Variants in TPRG1 observed in about 807,000 individuals in gnomAD.
The protein encoded by TPRG1 is tumor protein p63-regulated gene 1 protein.
In TPRG1, 29 loss-of-function variants were observed where a neutral mutation model predicts 29.3. The observed-to-expected ratio is 0.99, with a 90% CI of 0.74 to 1.35. The LOEUF is 1.35. Ranked by LOEUF, TPRG1 falls within the 40% of genes most tolerant of loss-of-function variation. The pLI, the probability that TPRG1 is intolerant of heterozygous loss-of-function variation, is 0.00. For synonymous variants in TPRG1, 130 were observed against 116.8 expected (o/e 1.11, Z -0.73); for missense variants, 327 against 335.0 (o/e 0.98, Z 0.19).
At chr3:189,248,051 T>C (rs796665885) in intron 4 of TPRG1, among the ~76,000 whole-genome samples, 4 of 152,004 alleles carry the variant, frequency 2.6e-5, no homozygotes, top group South Asian at 4.1e-4. Flanking sequence ...TATTCTCTAT[T>C]GACTTTATTA....
At chr3:189,115,207 AT>A (rs1721026798) in intron 1 of TPRG1, among the ~76,000 whole-genome samples, 1 of 152,216 alleles carries the variant, frequency 6.6e-6, no homozygotes, top group Non-Finnish European at 1.5e-5. Context: ...AGCTTTTTAA[AT>A]TTTTGTCAGT....
At chr3:189,300,496 A>G (rs904731072) in intron 4 of TPRG1, among the ~76,000 whole-genome samples, 9 of 152,182 alleles carry the variant, frequency 5.9e-5, no homozygotes, top group African/African-American at 2.2e-4. Flanking sequence ...TTAAAGTTCT[A>G]TTGTGTCTTT....
At chr3:189,092,762 G>A (rs1035224043) in intron 4 of TPRG1, among the ~76,000 whole-genome samples, 2 of 152,084 alleles carry the variant, frequency 1.3e-5, no homozygotes, top group Non-Finnish European at 1.5e-5. Context: ...AGGGGAGAGC[G>A]CTGACCAGCA....
chr3:189,215,424 C>T (rs3821734), intron 3 of TPRG1, 41 bp downstream of exon 3: 477,139 of 1,520,440 alleles, frequency 0.31, 76,682 homozygotes, highest in East Asian at 0.43. Flanking sequence ...GGAAATACAG[C>T]GTTTTCCTTG....
intron 5 of TPRG1, among the ~76,000 whole-genome samples, chr3:189,315,278 TTGTGTGTGTGTGTGTGTG>T (rs34255648): frequency 2.8e-5 from 4 of 143,504 alleles, no homozygotes; most frequent in South Asian, 2.3e-4. Context: ...CCTGAAAGAA[TTGTGTGTGTGTGTGTGTG>T]TGTGTGTGTG....
At chr3:189,083,825 T>TTCATA (rs759660734) in intron 4 of TPRG1, among the ~76,000 whole-genome samples, 13,667 of 152,240 alleles carry the variant, frequency 0.09, 772 homozygotes, top group African/African-American at 0.16. Flanking sequence ...TCTTTATCTC[T>TTCATA]GATCTTCAGC....
At chr3:189,010,388 C>T (rs935567733) in intron 3 of TPRG1, among the ~76,000 whole-genome samples, 6 of 152,152 alleles carry the variant, frequency 3.9e-5, no homozygotes, top group African/African-American at 1.4e-4. Flanking sequence ...TGAGCTAATT[C>T]ACACTCCTAC....
chr3:189,127,822 G>GT (rs956220592), intron 2 of TPRG1, among the ~76,000 whole-genome samples: 3 of 152,174 alleles, frequency 2.0e-5, no homozygotes, highest in Non-Finnish European at 4.4e-5. Flanking sequence ...TAGAGTCTAA[G>GT]TTGTCTTCCC....
chr3:189,019,074 T>C (rs1318302412), intron 3 of TPRG1, among the ~76,000 whole-genome samples: 2 of 151,924 alleles, frequency 1.3e-5, no homozygotes, highest in African/African-American at 4.8e-5. Flanking sequence ...TTTTTGTACA[T>C]TGATTTTGTA....
chr3:189,165,920 T>C (rs528850198), intron 5 of TPRG1, among the ~76,000 whole-genome samples: 1 of 152,282 alleles, frequency 6.6e-6, no homozygotes, highest in African/African-American at 2.4e-5. Context: ...GGTCAGGGAC[T>C]AAGACAGACA....
At chr3:189,121,116 A>T (rs1210154402) in intron 1 of TPRG1, among the ~76,000 whole-genome samples, 2 of 152,228 alleles carry the variant, frequency 1.3e-5, no homozygotes, top group Admixed American at 1.3e-4. Flanking sequence ...CAAAACAATT[A>T]TAGAAAGAGT....
rs755448941 is a variant in TPRG1 at position 189,224,092 on chromosome 3, C to T, written c.302+8709C>T. ...ATATATGGCCCTACAAATGATTCCA[C>T]GGGAACATAAAACTCACTGTGTATT... On this transcript the variant is annotated intron_variant, in intron 3 of 5. Transcript: ENST00000345063. Among the ~76,000 whole-genome samples the T allele has an allele frequency of 9.2e-5, 14 of 152,142 alleles. No homozygotes were observed. The South Asian group carries it at 1.9e-3, about 20-fold the overall frequency.
At chr3:189,165,605 G>C (rs1728072156) in intron 5 of TPRG1, among the ~76,000 whole-genome samples, 1 of 151,972 alleles carries the variant, frequency 6.6e-6, no homozygotes, top group Non-Finnish European at 1.5e-5. Flanking sequence ...TTCGGGGTGA[G>C]AGGCTCTTTC....
intron 1 of TPRG1, among the ~76,000 whole-genome samples, chr3:189,187,934 C>T (rs1222663756): frequency 6.6e-6 from 1 of 152,018 alleles, no homozygotes; most frequent in East Asian, 1.9e-4. Flanking sequence ...GATATATCAC[C>T]CACAATGTTG....
intron 4 of TPRG1, among the ~76,000 whole-genome samples, chr3:189,251,787 A>G (rs1356215977): frequency 6.6e-6 from 1 of 152,344 alleles, no homozygotes; most frequent in East Asian, 1.9e-4. Context: ...CAGTAGATGG[A>G]ACATACAATC....
chr3:189,234,094 G>A (rs781646351), intron 3 of TPRG1, among the ~76,000 whole-genome samples: 2 of 152,108 alleles, frequency 1.3e-5, no homozygotes, highest in Admixed American at 6.5e-5. Context: ...GCCCAGGCTG[G>A]TCTCAAACTC....
intron 4 of TPRG1, among the ~76,000 whole-genome samples, chr3:189,297,837 C>T (rs1404722759): frequency 6.6e-6 from 1 of 152,044 alleles, no homozygotes. Context: ...GAAGAGGACT[C>T]ATGTATGGAA....
Position 189,315,560 on chromosome 3 carries a change from T to C in TPRG1, c.633+5021T>C. On this transcript the variant is annotated intron_variant, in intron 5 of 5. Coordinates refer to ENST00000345063, the MANE Select transcript of TPRG1 (RefSeq NM_198485.4). The stretch of plus-strand genomic sequence containing the variant: ...AACTGATGAATAGCAGTGAACGCAT[T>C]ATGTGTGCCCTACAACCATCATGAT... The C allele has an allele frequency of 4.4e-6, 2 of 452,392 alleles. 1 individual carries two copies. The highest frequency in any genetic ancestry group is 3.1e-5 in the South Asian group (2 of 63,852). The allele number at this position is 452,392 out of a possible 1,614,324, so 28.0% of individuals were successfully genotyped here.
At chr3:189,167,923 A>G (rs1233927114), upstream of TPRG1, among the ~76,000 whole-genome samples, 1 of 152,158 alleles carries the variant, frequency 6.6e-6, no homozygotes, top group Non-Finnish European at 1.5e-5. Context: ...GATCCTCTGA[A>G]GGTCACATTG....
Sources: allele counts gnomAD v4.1 joint callset (sites outside exome capture counted in the v4.1 genomes callset), GRCh38; gene constraint gnomAD v4.1.1; transcripts MANE v1.5; gene names NCBI Gene and HGNC (gene_info 2026-07-23, HGNC 2026-07-21).